MKNK2: variants seen among roughly 807,000 people sequenced by gnomAD.
MKNK2 encodes MAPK interacting serine/threonine kinase 2.
In MKNK2, 54 loss-of-function variants were observed where a neutral mutation model predicts 55.0. The observed-to-expected ratio is 0.98, with a 90% CI of 0.79 to 1.23. The LOEUF (loss-of-function observed/expected upper bound fraction) is 1.23, where lower values mean the gene tolerates loss of function less well. MKNK2 is among the 50% of genes most tolerant of loss of function. MKNK2 has a pLI of 0.00. For synonymous variants in MKNK2, 323 were observed against 256.0 expected, an observed-to-expected ratio of 1.26 and a Z score of -2.50; for missense variants, 685 against 632.1, an observed-to-expected ratio of 1.08 and a Z score of -0.90.
rs2016808726 is a variant in MKNK2 at position 2,038,734 on chromosome 19, G to T, written c.*879C>A. 2 of 985,482 alleles carry T rather than the reference G, an allele frequency of 2.0e-6. No individual in the cohort carries two copies. The highest frequency in any genetic ancestry group is 4.7e-5 in the South Asian group (1 of 21,298). 61.0% of individuals were successfully genotyped at this position (985,482 alleles called of 1,614,324 possible). A position where few individuals can be genotyped will look rare whatever the true frequency, so the allele number is the denominator to read the frequency against. On this transcript the variant is annotated 3_prime_UTR_variant, in exon 14 of 14. Coordinates refer to ENST00000250896, the MANE Select transcript of MKNK2 (RefSeq NM_199054.3). ...AGAAGGGGCACTCGGGTGCCCCAAGGGGGTGTCTTCAGGACCCCCCACATT... is the reference window on the plus strand; with the variant it reads ...AGAAGGGGCACTCGGGTGCCCCAAGTGGGTGTCTTCAGGACCCCCCACATT...
Position 2,046,602 on chromosome 19 carries a change from AC to A in MKNK2, c.139+1del. On this transcript the variant is annotated splice_donor_variant, in intron 3 of 13. Transcript: ENST00000250896. LOFTEE classifies it high-confidence loss of function. Reference sequence around the variant, plus strand: ...TGCCCTCCTCCCCCTCGGGCCCCTCACCAGGGCGGGCTGAGCACTGCAGGCC... The same window carrying A: ...TGCCCTCCTCCCCCTCGGGCCCCTCACAGGGCGGGCTGAGCACTGCAGGCC... The A allele has an allele frequency of 1.3e-6, 2 of 1,563,318 alleles. No individual in the cohort carries two copies. Among genetic ancestry groups the A allele is most frequent in the Non-Finnish European group, 1.7e-6 (2 of 1,155,108 alleles).
Position 2,043,150 on chromosome 19 carries a change from T to G in MKNK2, c.467A>C (p.Tyr156Ser), listed in dbSNP as rs751405048. The change falls in exon 7 of 14, where the codon TAC becomes TCC. Residue 156 changes from tyrosine (Y) to serine (S), a missense_variant. By Grantham distance (144) the Tyr-to-Ser change is moderately radical. Transcript: ENST00000250896. ...TCCCCGCATCTTCTCAAACACCAGG[T>G]AGAAGCGGTCCTCCTCCTCGAAGAA... ...IEFFEEEDRF[Y>S]LVFEKMRGGS... 1.2e-5 allele frequency: 19 copies of G among 1,613,264 alleles called. No individual in the cohort carries two copies. The highest frequency in any genetic ancestry group is 8.5e-7 in the Non-Finnish European group (1 of 1,179,758).
rs1436030514 is a variant in MKNK2 at position 2,038,574 on chromosome 19, C to T, written c.*1039G>A. On this transcript the variant is annotated 3_prime_UTR_variant, in exon 14 of 14. Coordinates refer to ENST00000250896, the MANE Select transcript of MKNK2 (RefSeq NM_199054.3). ...GAAGGTGGCAGACCAAAAACACTGC[C>T]CTGGGGGTGAGGATTCGGCCAGACC... 3.0e-6 allele frequency: 3 copies of T among 985,328 alleles called. No individual in the cohort carries two copies. Among genetic ancestry groups the T allele is most frequent in the Non-Finnish European group, 2.4e-6 (2 of 829,948 alleles). 61.0% of individuals were successfully genotyped at this position (985,328 alleles called of 1,614,324 possible).
Position 2,041,026 on chromosome 19 carries a change from C to G in MKNK2, c.1110+14G>C, listed in dbSNP as rs760798288. On this transcript the variant is annotated intron_variant, in intron 12 of 13. Coordinates refer to ENST00000250896, the MANE Select transcript of MKNK2 (RefSeq NM_199054.3). ...CCCCATACCCCTCCTGCCGCCCGTG[C>G]GGCTGGTACTCACCCCCTGAACCCA... The G allele has an allele frequency of 3.1e-6, 5 of 1,613,248 alleles. No homozygotes were observed.
At chr19:2,048,023 G>A (rs1251547839) in intron 2 of MKNK2, among the ~76,000 whole-genome samples, 1 of 149,876 alleles carries the variant, frequency 6.7e-6, no homozygotes, top group Non-Finnish European at 1.5e-5. Context: ...ACACAGTGCT[G>A]TACTGGTCCT....
chr19:2,046,327 C>T (rs754737025), intron 4 of MKNK2, 40 bp downstream of exon 4: 11 of 1,603,764 alleles, frequency 6.9e-6, no homozygotes, highest in Non-Finnish European at 6.8e-6. Context: ...CTGGCTTTTC[C>T]CCGCTCCCGG....
chr19:2,050,792 G>T lies in MKNK2; in HGVS notation c.51+9C>A. On this transcript the variant is annotated intron_variant, in intron 2 of 13. Coordinates refer to ENST00000250896, the MANE Select transcript of MKNK2 (RefSeq NM_199054.3). ...CCCGGAGCGCCCCCAAACCGACCCC[G>T]GGCCTCACCTTGAACGAACGGTGGA... 1 of 1,536,256 alleles carries T rather than the reference G, an allele frequency of 6.5e-7. No homozygotes were observed.
In MKNK2 at chr19:2,050,879, AG is replaced by A. The variant is rs2017103125; in HGVS notation, c.-29del. 3.4e-6 allele frequency: 5 copies of A among 1,490,990 alleles called. No individual in the cohort carries two copies. Among genetic ancestry groups the A allele is most frequent in the Non-Finnish European group, 4.5e-6 (5 of 1,117,820 alleles). The allele number at this position is 1,490,990 out of a possible 1,614,324, so 92.4% of individuals were successfully genotyped here. On this transcript the variant is annotated 5_prime_UTR_variant, in exon 2 of 14. Transcript: ENST00000250896. ...TCTGTCCGGGCCCCGCCAGCGGGGG[AG>A]GGGACCGAGGGCCCGGGGGGAGGCC...
intron 12 of MKNK2, 136 bp downstream of exon 12, chr19:2,040,904 G>C: frequency 1.1e-6 from 1 of 889,164 alleles, no homozygotes; most frequent in Non-Finnish European, 1.7e-6. Flanking sequence ...CCTCATCCCA[G>C]GGCAGAGCCT....
intron 6 of MKNK2, 115 bp from the exon 7 acceptor site, chr19:2,043,312 G>T: frequency 9.6e-7 from 1 of 1,044,968 alleles, no homozygotes; most frequent in Non-Finnish European, 1.5e-6. Flanking sequence ...ACCGGAAGCT[G>T]GGACTGGGGC....
chr19:2,039,534 A>G lies in MKNK2; in HGVS notation c.*79T>C. ...GCAGAGGAGGGGCAGCCCGCTGGAC[A>G]CCGGCTGGCGATAGCTTAAAAAACC... On this transcript the variant is annotated 3_prime_UTR_variant, in exon 14 of 14. Transcript: ENST00000250896. The G allele has an allele frequency of 6.7e-7, 1 of 1,498,400 alleles. No individual in the cohort carries two copies. Among genetic ancestry groups the G allele is most frequent in the South Asian group, 1.3e-5 (1 of 77,596 alleles). The allele number at this position is 1,498,400 out of a possible 1,614,324, so 92.8% of individuals were successfully genotyped here.
chr19:2,049,714 G>A (rs1159037795), intron 2 of MKNK2, among the ~76,000 whole-genome samples: 2 of 152,206 alleles, frequency 1.3e-5, no homozygotes, highest in Non-Finnish European at 2.9e-5. Context: ...ACCACTGTCA[G>A]GTCCTCCTCT....
Position 2,041,875 on chromosome 19 carries a change from C to T in MKNK2, c.910G>A (p.Gly304Ser), listed in dbSNP as rs994377198. Residue 304 changes from glycine (G) to serine (S), a missense_variant, in exon 11 of 14, where the codon GGC becomes AGC. Gly to Ser is a moderately conservative substitution (Grantham distance 56). Coordinates refer to ENST00000250896, the MANE Select transcript of MKNK2 (RefSeq NM_199054.3). Reference protein sequence around the residue: ...PFVGRCGSDCGWDRGEACPAC... With the variant: ...PFVGRCGSDCSWDRGEACPAC... ...GGGCAGGCCTCGCCGCGGTCCCAGC[C>T]GCAGTCGCTGCCACAGCGGCCCACG... is the stretch of plus-strand genomic sequence containing the variant. The T allele has an allele frequency of 6.5e-7, 1 of 1,541,646 alleles. No homozygotes were observed. The highest frequency in any genetic ancestry group is 2.5e-5 in the East Asian group (1 of 40,272).
chr19:2,042,565 G>C, intron 9 of MKNK2, 42 bp downstream of exon 9: 3 of 1,575,676 alleles, frequency 1.9e-6, no homozygotes, highest in Non-Finnish European at 2.6e-6. Context: ...GTCCCACGCG[G>C]TCCACCCCTC....
chr19:2,043,384 T>C, intron 6 of MKNK2, 119 bp downstream of exon 6: 2 of 1,095,814 alleles, frequency 1.8e-6, no homozygotes, highest in Non-Finnish European at 1.4e-6. Flanking sequence ...GGGAGGGGAA[T>C]GCAGGGCCTG....
At chr19:2,041,343 G>A (rs961749349) in intron 11 of MKNK2, 139 bp from the exon 12 acceptor site, 2 of 833,806 alleles carry the variant, frequency 2.4e-6, no homozygotes, top group Non-Finnish European at 3.7e-6. Flanking sequence ...AGGGGGCTGG[G>A]AGCCGGACCA....
Position 2,041,930 on chromosome 19 carries a change from C to A in MKNK2, c.855G>T (p.Leu285Phe). Residue 285 changes from leucine to phenylalanine, a missense_variant, in exon 11 of 14, where the codon TTG becomes TTT. Physicochemically the swap from Leu to Phe is conservative, Grantham distance 22. Coordinates refer to ENST00000250896, the MANE Select transcript of MKNK2 (RefSeq NM_199054.3). ...RCDLWSLGVILYILLSGYPPF... is the reference protein window; with the variant it reads ...RCDLWSLGVIFYILLSGYPPF... ...GCGGGTAGCCGCTGAGTAGGATATA[C>A]AAGATGACGCCCAGGCTCCACAGGT... 6.4e-7 allele frequency: 1 copy of A among 1,552,320 alleles called. No homozygotes were observed. The highest frequency in any genetic ancestry group is 8.7e-7 in the Non-Finnish European group (1 of 1,147,932).
At position 2,038,319 on chromosome 19, in the gene MKNK2, GGCTGCCCCA is replaced by G. The variant is rs952528380; in HGVS notation, c.*1285_*1293del. On this transcript the variant is annotated 3_prime_UTR_variant, in exon 14 of 14. Coordinates refer to ENST00000250896, the MANE Select transcript of MKNK2 (RefSeq NM_199054.3). Reference sequence around the variant, plus strand: ...CGACCGCGGATTTAGAAGCCAGAGGGGCTGCCCCAGCTGTGGAGCTCGGGGGCTGCGCCG... The same window carrying G: ...CGACCGCGGATTTAGAAGCCAGAGGGGCTGTGGAGCTCGGGGGCTGCGCCG... 3.4e-5 allele frequency: 34 copies of G among 986,758 alleles called. No homozygotes were observed. In the African/African-American group the frequency reaches 5.1e-4, roughly 15 times the overall value. 61.1% of individuals were successfully genotyped at this position (986,758 alleles called of 1,614,324 possible). A position where few individuals can be genotyped will look rare whatever the true frequency, so the allele number is the denominator to read the frequency against.
rs1406012971 is a variant in MKNK2 at position 2,039,107 on chromosome 19, G to C, written c.*506C>G. 1 of 987,848 alleles carries C rather than the reference G, an allele frequency of 1.0e-6. No individual in the cohort carries two copies. The highest frequency in any genetic ancestry group is 1.2e-6 in the Non-Finnish European group (1 of 831,332). 61.2% of individuals were successfully genotyped at this position (987,848 alleles called of 1,614,324 possible). A position where few individuals can be genotyped will look rare whatever the true frequency, so the allele number is the denominator to read the frequency against. On this transcript the variant is annotated 3_prime_UTR_variant, in exon 14 of 14. Transcript: ENST00000250896. ...CCTCCCTTCCCCAACCAAGCCACCA[G>C]GGGTGCTCTCAGGGTGAGGGATAGA...
Sources: allele counts gnomAD v4.1 joint callset (sites outside exome capture counted in the v4.1 genomes callset), GRCh38; gene constraint gnomAD v4.1.1; transcripts MANE v1.5; gene names NCBI Gene and HGNC (gene_info 2026-07-23, HGNC 2026-07-21).